The following ALDH8A1 variants were observed in gnomAD, a reference collection of about 807,000 sequenced individuals.
The protein encoded by ALDH8A1 is aldehyde dehydrogenase 8 family member A1.
ALDH8A1 carries 39 observed loss-of-function variants against 43.3 expected under a neutral mutation model. The ratio of observed to expected loss-of-function variants is 0.90; its 90% CI spans 0.70 to 1.18. The LOEUF is 1.18. Among genes scored for constraint, ALDH8A1 ranks in the 50% most tolerant of loss-of-function variants. The pLI, the probability that ALDH8A1 is intolerant of heterozygous loss-of-function variation, is 0.00. For missense variants in ALDH8A1, 605 were observed against 622.6 expected (o/e 0.97, Z 0.30); for synonymous variants, 233 against 243.5 (o/e 0.96, Z 0.40).
chr6:134,945,034 GTC>G (rs1396521112), intron 1 of ALDH8A1, among the ~76,000 whole-genome samples: 1 of 151,090 alleles, frequency 6.6e-6, no homozygotes. Context: ...ATCTTATAAA[GTC>G]TGAAATTTTG....
chr6:134,921,905 A>T (rs548870501), intron 6 of ALDH8A1, among the ~76,000 whole-genome samples: 1 of 152,370 alleles, frequency 6.6e-6, no homozygotes, highest in South Asian at 2.1e-4. Flanking sequence ...TGAAGAGGCC[A>T]TACTTAACAT....
At chr6:134,943,368 G>T (rs1187145865) in intron 2 of ALDH8A1, among the ~76,000 whole-genome samples, 1 of 151,450 alleles carries the variant, frequency 6.6e-6, no homozygotes, top group Non-Finnish European at 1.5e-5. Flanking sequence ...AAAATGAGAT[G>T]TGTCGGGAGT....
chr6:134,922,660 T>C (rs1776823853), intron 6 of ALDH8A1, among the ~76,000 whole-genome samples: 1 of 152,166 alleles, frequency 6.6e-6, no homozygotes, highest in Non-Finnish European at 1.5e-5. Flanking sequence ...AGTGCTGGGA[T>C]TACAGGCATG....
intron 1 of ALDH8A1, among the ~76,000 whole-genome samples, chr6:134,947,995 C>T (rs1415849948): frequency 6.6e-6 from 1 of 152,154 alleles, no homozygotes; most frequent in Admixed American, 6.5e-5. Context: ...GATATGGACT[C>T]AACCTAATGT....
chr6:134,949,950 A>C lies in ALDH8A1; in HGVS notation c.104T>G (p.Val35Gly), dbSNP rs968449250. ...TCCACTATTTGGCACTCTGCAATACACTTCCCCTGTTGATGGGTCGTAAGA... is the reference window on the plus strand; with the variant it reads ...TCCACTATTTGGCACTCTGCAATACCCTTCCCCTGTTGATGGGTCGTAAGA... ...IDSYDPSTGEVYCRVPNSGKD... is the reference protein window; with the variant it reads ...IDSYDPSTGEGYCRVPNSGKD... Residue 35 changes from valine (V) to glycine (G), a missense_variant, in exon 1 of 7, where the codon GTG becomes GGG. Coordinates refer to ENST00000265605, the MANE Select transcript of ALDH8A1 (RefSeq NM_022568.4). The C allele has an allele frequency of 2.2e-5, 35 of 1,612,056 alleles. No individual in the cohort carries two copies. Among genetic ancestry groups the C allele is most frequent in the Non-Finnish European group, 2.6e-5 (31 of 1,179,056 alleles).
At position 134,942,487 on chromosome 6, in the gene ALDH8A1, G is replaced by A; in HGVS notation, c.364C>T (p.Leu122=). Residue 122 remains leucine (L), a synonymous_variant, in exon 3 of 7, where the codon CTG becomes TTG. Transcript: ENST00000265605. ...QNFRFFASSS[L]HHTSECTQMD... ...TGCGTGCACTCTGACGTGTGGTGCA[G>A]GCTGGAGGAAGCGAAGAACCTGAAG... 6.2e-7 allele frequency: 1 copy of A among 1,614,228 alleles called. No homozygotes were observed. Among genetic ancestry groups the A allele is most frequent in the Non-Finnish European group, 8.5e-7 (1 of 1,180,042 alleles).
intron 6 of ALDH8A1, among the ~76,000 whole-genome samples, chr6:134,927,279 C>T (rs1291464482): frequency 3.3e-5 from 5 of 151,932 alleles, no homozygotes; most frequent in Non-Finnish European, 5.9e-5. Context: ...AACAGTGGCC[C>T]ATTTCAGTTT....
Position 134,918,363 on chromosome 6 carries a change from A to G in ALDH8A1, c.*52T>C. On this transcript the variant is annotated 3_prime_UTR_variant, in exon 7 of 7. Coordinates refer to ENST00000265605, the MANE Select transcript of ALDH8A1 (RefSeq NM_022568.4). ...TGATTTTCATCTACCACATTGAACA[A>G]CTGATGCCTGCAGCCAGGCATTGGC... The G allele has an allele frequency of 6.5e-7, 1 of 1,537,524 alleles. No homozygotes were observed. The highest frequency in any genetic ancestry group is 8.9e-7 in the Non-Finnish European group (1 of 1,122,884).
intron 1 of ALDH8A1, among the ~76,000 whole-genome samples, chr6:134,945,734 C>T (rs571407956): frequency 1.3e-5 from 2 of 152,202 alleles, no homozygotes; most frequent in South Asian, 2.1e-4. Context: ...GCGCTTGACC[C>T]GAAGTAATCT....
intron 1 of ALDH8A1, among the ~76,000 whole-genome samples, chr6:134,945,195 T>C (rs903728483): frequency 6.6e-6 from 1 of 152,130 alleles, no homozygotes. Context: ...ATAACATGAG[T>C]ATTGCTATGC....
chr6:134,929,476 T>A (rs1583026258), intron 5 of ALDH8A1, among the ~76,000 whole-genome samples: 1 of 152,322 alleles, frequency 6.6e-6, no homozygotes, highest in East Asian at 1.9e-4. Flanking sequence ...AGGATGGGAA[T>A]GGCAACTGAT....
chr6:134,939,473 G>A, intron 3 of ALDH8A1, 58 bp from the exon 4 acceptor site: 2 of 1,558,320 alleles, frequency 1.3e-6, no homozygotes, highest in Non-Finnish European at 1.7e-6. Context: ...AGGTGGACTG[G>A]CCAAGTGGGG....
At chr6:134,928,919 T>C (rs756438128) in intron 6 of ALDH8A1, 135 bp downstream of exon 6, 36 of 888,646 alleles carry the variant, frequency 4.1e-5, no homozygotes, top group Admixed American at 1.4e-4. Context: ...TGTCCACAAT[T>C]TCTCCCAGGT....
intron 1 of ALDH8A1, chr6:134,944,211 GCATGTGCCACCATGCC>G (rs1773913048): frequency 2.4e-6 from 1 of 417,160 alleles, no homozygotes; most frequent in Non-Finnish European, 4.2e-6. Flanking sequence ...GGGATTACAG[GCATGTGCCACCATGCC>G]CAGCTAATTT....
At chr6:134,919,618 T>C (rs978832061) in intron 6 of ALDH8A1, among the ~76,000 whole-genome samples, 2 of 152,180 alleles carry the variant, frequency 1.3e-5, no homozygotes, top group Non-Finnish European at 2.9e-5. Flanking sequence ...GTCACAATTA[T>C]ATGTTTTTCT....
intron 6 of ALDH8A1, among the ~76,000 whole-genome samples, chr6:134,919,586 T>G (rs1013204621): frequency 6.6e-6 from 1 of 152,104 alleles, no homozygotes; most frequent in Non-Finnish European, 1.5e-5. Flanking sequence ...ATAATAATTA[T>G]ATATATATAA....
chr6:134,918,253 T>C lies in ALDH8A1; in HGVS notation c.*162A>G. The C allele has an allele frequency of 3.0e-6, 2 of 664,194 alleles. No individual in the cohort carries two copies. Among genetic ancestry groups the C allele is most frequent in the Non-Finnish European group, 5.1e-6 (2 of 391,666 alleles). The allele number at this position is 664,194 out of a possible 1,614,324, so 41.1% of individuals were successfully genotyped here. On this transcript the variant is annotated 3_prime_UTR_variant, in exon 7 of 7. Transcript: ENST00000265605. ...CACATTGAAAATAGACAGTATCTCT[T>C]CACTAGTGGGTAAAGTTACTAAGAA... is the stretch of plus-strand genomic sequence containing the variant.
intron 5 of ALDH8A1, among the ~76,000 whole-genome samples, chr6:134,932,240 GCACAGAGAAACAT>G (rs1322168684): frequency 6.6e-6 from 1 of 152,122 alleles, no homozygotes; most frequent in African/African-American, 2.4e-5. Context: ...AAACTACAGA[GCACAGAGAAACAT>G]CTGTTATGTA....
chr6:134,918,984 A>C, intron 6 of ALDH8A1, 117 bp from the exon 7 acceptor site: 2 of 1,185,556 alleles, frequency 1.7e-6, no homozygotes, highest in Non-Finnish European at 2.4e-6. Context: ...TTCCTAAGAA[A>C]TCTATGGTCG....
Sources: allele counts gnomAD v4.1 joint callset (sites outside exome capture counted in the v4.1 genomes callset), GRCh38; gene constraint gnomAD v4.1.1; transcripts MANE v1.5; gene names NCBI Gene and HGNC (gene_info 2026-07-23, HGNC 2026-07-21).